Variants in STXBP4 observed in about 807,000 individuals in gnomAD.
STXBP4 encodes the protein syntaxin binding protein 4, also known as syntaxin-binding protein 4.
Under a neutral mutation model 76.1 loss-of-function variants are expected in STXBP4, and 55 were observed. The ratio of observed to expected loss-of-function variants is 0.72; its 90% confidence interval spans 0.58 to 0.91. The LOEUF (loss-of-function observed/expected upper bound fraction) is 0.91. Ranked by LOEUF, STXBP4 falls within the 40% of genes least tolerant of loss-of-function variation. STXBP4 has a pLI of 0.00. For missense variants in STXBP4, 618 were observed against 636.9 expected, an observed-to-expected ratio of 0.97 and a Z score of 0.32; for synonymous variants, 201 against 220.2, an observed-to-expected ratio of 0.91 and a Z score of 0.77.
the STXBP4 span, among the ~76,000 whole-genome samples, chr17:55,186,682 G>C: frequency 1.3e-5 from 2 of 152,144 alleles, no homozygotes; most frequent in Non-Finnish European, 2.9e-5. Flanking sequence ...TGTGGTGCAT[G>C]GTCTTTGGAG....
intron 17 of STXBP4, among the ~76,000 whole-genome samples, chr17:55,149,037 A>G (rs963070263): frequency 3.4e-4 from 52 of 152,314 alleles, no homozygotes; most frequent in African/African-American, 1.2e-3. Flanking sequence ...ACTCTCTTTT[A>G]CATGTATAAG....
intron 16 of STXBP4, among the ~76,000 whole-genome samples, chr17:55,103,435 G>T (rs566274022): frequency 6.6e-6 from 1 of 152,176 alleles, no homozygotes; most frequent in East Asian, 1.9e-4. Context: ...AAAATCAGAT[G>T]GTTGTAGTGT....
At chr17:54,984,933 A>G (rs1000089688) in intron 1 of STXBP4, among the ~76,000 whole-genome samples, 13 of 152,202 alleles carry the variant, frequency 8.5e-5, no homozygotes, top group Admixed American at 5.9e-4. Flanking sequence ...CAAAATTTTC[A>G]TCCAATGGCT....
chr17:55,090,284 A>G (rs1470082315), intron 16 of STXBP4, among the ~76,000 whole-genome samples: 1 of 152,000 alleles, frequency 6.6e-6, no homozygotes, highest in Non-Finnish European at 1.5e-5. Context: ...GTGGAGACAC[A>G]CTTTAGATCT....
chr17:55,199,245 A>T, the STXBP4 span, among the ~76,000 whole-genome samples: 1 of 152,228 alleles, frequency 6.6e-6, no homozygotes, highest in African/African-American at 2.4e-5. Context: ...TTCTGCCCAG[A>T]ACAAAAATTT....
At chr17:55,118,642 G>A (rs1482303758) in intron 16 of STXBP4, among the ~76,000 whole-genome samples, 2 of 151,730 alleles carry the variant, frequency 1.3e-5, no homozygotes, top group African/African-American at 2.4e-5. Context: ...TCACCTAGGA[G>A]GAAAGTACAT....
chr17:54,982,095 G>A (rs1463080638), intron 1 of STXBP4, among the ~76,000 whole-genome samples: 2 of 152,092 alleles, frequency 1.3e-5, no homozygotes, highest in East Asian at 3.8e-4. Flanking sequence ...GGGACATTTG[G>A]CAATTTGTAT....
intron 12 of STXBP4, among the ~76,000 whole-genome samples, chr17:55,072,090 T>C (rs1157030641): frequency 6.6e-6 from 1 of 152,146 alleles, no homozygotes; most frequent in Admixed American, 6.6e-5. Context: ...ATGGGGTTTT[T>C]TTGTTTTTTC....
chr17:54,997,068 CTG>C (rs1205662646), intron 4 of STXBP4, among the ~76,000 whole-genome samples: 5 of 152,162 alleles, frequency 3.3e-5, no homozygotes, highest in Admixed American at 2.6e-4. Flanking sequence ...GGAATCTAGA[CTG>C]TGTGGAAGAG....
chr17:55,131,012 T>C (rs2079967935), intron 16 of STXBP4, among the ~76,000 whole-genome samples: 1 of 152,210 alleles, frequency 6.6e-6, no homozygotes, highest in Non-Finnish European at 1.5e-5. Flanking sequence ...CATACAGATT[T>C]CAATTTCTTT....
chr17:55,142,021 A>G (rs540084884), intron 17 of STXBP4, among the ~76,000 whole-genome samples: 42 of 152,178 alleles, frequency 2.8e-4, no homozygotes, highest in Non-Finnish European at 5.4e-4. Context: ...ATAGATGAAG[A>G]AAATAAGAGT....
intron 15 of STXBP4, among the ~76,000 whole-genome samples, chr17:55,080,216 A>T (rs1648399600): frequency 6.6e-6 from 1 of 152,206 alleles, no homozygotes; most frequent in South Asian, 2.1e-4. Context: ...AAATAGCTAC[A>T]TCACGCAACA....
Position 55,057,910 on chromosome 17 carries a change from T to C in STXBP4, c.1011+10756T>C, listed in dbSNP as rs184930578. Among the ~76,000 whole-genome samples, 503 of 152,354 alleles carry C rather than the reference T, an allele frequency of 3.3e-3. 2 individuals are homozygous for C. Among genetic ancestry groups the C allele is most frequent in the African/African-American group, 0.011 (468 of 41,576 alleles). Reference sequence around the variant, plus strand: ...TTTTCTTTTTTATGGCTGCATAGAATTCCATGATGTATATATGCCACATTT... The same window carrying C: ...TTTTCTTTTTTATGGCTGCATAGAACTCCATGATGTATATATGCCACATTT... On this transcript the variant is annotated intron_variant, in intron 12 of 17. Coordinates refer to ENST00000376352, the MANE Select transcript of STXBP4 (RefSeq NM_178509.6).
At position 55,026,369 on chromosome 17, in the gene STXBP4, C is replaced by T. The variant is rs1028771862; in HGVS notation, c.667-4799C>T. On this transcript the variant is annotated intron_variant, in intron 8 of 17. Transcript: ENST00000376352. ...TTCCCCCCAAGATGGTAGATTAGAGCGGTATTAGCATGCCTGTCCTCCTTG... is the reference window on the plus strand; with the variant it reads ...TTCCCCCCAAGATGGTAGATTAGAGTGGTATTAGCATGCCTGTCCTCCTTG... Among the ~76,000 whole-genome samples, 22 of 151,934 alleles carry T rather than the reference C, an allele frequency of 1.4e-4. 1 individual carries two copies. The highest frequency in any genetic ancestry group is 4.2e-4 in the South Asian group (2 of 4,818).
chr17:55,117,891 T>C (rs1385454358), intron 16 of STXBP4, among the ~76,000 whole-genome samples: 4 of 151,926 alleles, frequency 2.6e-5, no homozygotes, highest in Non-Finnish European at 4.4e-5. Flanking sequence ...TCAGACACTG[T>C]ATTGAATGAG....
chr17:55,208,577 A>AAGGAAGGAAGGAAG, the STXBP4 span, among the ~76,000 whole-genome samples: 1 of 90,334 alleles, frequency 1.1e-5, no homozygotes, highest in Non-Finnish European at 2.1e-5. Context: ...GAGGGAGGGA[A>AAGGAAGGAAGGAAG]GAAGGAAGGA....
chr17:54,975,362 C>T (rs564881395), intron 1 of STXBP4, among the ~76,000 whole-genome samples: 1 of 152,150 alleles, frequency 6.6e-6, no homozygotes, highest in East Asian at 1.9e-4. Context: ...TTGTATTGGG[C>T]CCTGCAATTT....
chr17:54,984,101 T>C (rs1232850148), intron 1 of STXBP4, among the ~76,000 whole-genome samples: 1 of 152,124 alleles, frequency 6.6e-6, no homozygotes, highest in East Asian at 1.9e-4. Context: ...CGAAATGTGT[T>C]TTTACCACCC....
At chr17:54,987,377 A>C (rs957592965) in intron 3 of STXBP4, among the ~76,000 whole-genome samples, 23 of 152,162 alleles carry the variant, frequency 1.5e-4, no homozygotes, top group Non-Finnish European at 2.8e-4. Context: ...CATGATAATT[A>C]TATATATTTG....
Sources: allele counts gnomAD v4.1 joint callset (sites outside exome capture counted in the v4.1 genomes callset), GRCh38; gene constraint gnomAD v4.1.1; transcripts MANE v1.5; gene names NCBI Gene and HGNC (gene_info 2026-07-23, HGNC 2026-07-21).